The following UNC80 variants were observed in gnomAD, a reference collection of about 807,000 sequenced individuals.
UNC80 encodes protein unc-80 homolog.
A neutral mutation model predicts 384.6 loss-of-function variants in UNC80; 164 were observed. The ratio of observed to expected loss-of-function variants is 0.43; its 90% CI spans 0.38 to 0.49. UNC80 has a LOEUF of 0.49. Among genes scored for constraint, UNC80 ranks in the 20% least tolerant of loss-of-function variants. The pLI, the probability that UNC80 is intolerant of heterozygous loss-of-function variation, is 0.00. For missense variants in UNC80, 3,330 were observed against 4,143.0 expected, an observed-to-expected ratio of 0.80 and a Z score of 5.39; for synonymous variants, 1,486 against 1,527.8, an observed-to-expected ratio of 0.97 and a Z score of 0.64.
chr2:209,979,068 A>T (rs1309164464), intron 59 of UNC80, among the ~76,000 whole-genome samples: 1 of 152,006 alleles, frequency 6.6e-6, no homozygotes, highest in African/African-American at 2.4e-5. Flanking sequence ...GGCCAACATG[A>T]TGAAATCCCA....
At chr2:209,870,796 G>A (rs753493569) in intron 22 of UNC80, among the ~76,000 whole-genome samples, 1 of 152,182 alleles carries the variant, frequency 6.6e-6, no homozygotes, top group Non-Finnish European at 1.5e-5. Context: ...ACCCAAAAAT[G>A]TAAAGTAACC....
intron 22 of UNC80, among the ~76,000 whole-genome samples, chr2:209,864,937 C>T (rs1225089698): frequency 6.6e-6 from 1 of 152,196 alleles, no homozygotes; most frequent in African/African-American, 2.4e-5. Flanking sequence ...TAAGAGTCTG[C>T]GCATTCTGGG....
intron 1 of UNC80, among the ~76,000 whole-genome samples, chr2:209,772,412 T>A (rs1574378836): frequency 6.6e-6 from 1 of 151,872 alleles, no homozygotes; most frequent in Admixed American, 6.6e-5. Flanking sequence ...TATACATTAT[T>A]TTAGGGGGTG....
At chr2:209,956,299 G>T (rs997694371) in intron 48 of UNC80, among the ~76,000 whole-genome samples, 11 of 80 alleles carry the variant, frequency 0.14, no homozygotes, top group African/African-American at 0.29. Context: ...ACAAAAAGAA[G>T]ATAAGAATTC....
In UNC80 at chr2:209,888,076, C is replaced by T; in HGVS notation, c.4111-19C>T. On this transcript the variant is annotated intron_variant, in intron 25 of 64. Transcript: ENST00000673920. ...CTGGGGAGATGCCAGCACTCATGTG[C>T]TCCTCACTGGCATTTTAGGACTTGG... The T allele has an allele frequency of 3.2e-6, 5 of 1,551,486 alleles. No individual in the cohort carries two copies. Among genetic ancestry groups the T allele is most frequent in the Non-Finnish European group, 4.4e-6 (5 of 1,146,864 alleles).
intron 20 of UNC80, among the ~76,000 whole-genome samples, chr2:209,840,920 A>G (rs746879356): frequency 2.0e-5 from 3 of 152,196 alleles, no homozygotes; most frequent in African/African-American, 2.4e-5. Context: ...TTTCCCAGCT[A>G]TTTTTAACTT....
At chr2:209,971,287 C>G (rs189610718) in intron 54 of UNC80, among the ~76,000 whole-genome samples, 8 of 152,246 alleles carry the variant, frequency 5.3e-5, no homozygotes, top group African/African-American at 1.9e-4. Flanking sequence ...TATTCACAAT[C>G]TGGTTTTAAA....
chr2:209,873,073 G>A, intron 23 of UNC80, 103 bp downstream of exon 23: 2 of 1,090,204 alleles, frequency 1.8e-6, no homozygotes, highest in Non-Finnish European at 2.7e-6. Context: ...TTGAGTGTTT[G>A]TTATGTACCA....
At chr2:209,974,466 A>G (rs2092960022) in intron 56 of UNC80, among the ~76,000 whole-genome samples, 1 of 152,218 alleles carries the variant, frequency 6.6e-6, no homozygotes, top group African/African-American at 2.4e-5. Flanking sequence ...ATGAGAAGAC[A>G]CTTGATGAGT....
intron 7 of UNC80, among the ~76,000 whole-genome samples, chr2:209,800,560 G>T (rs1163897325): frequency 6.7e-6 from 1 of 148,970 alleles, no homozygotes; most frequent in Non-Finnish European, 1.5e-5. Context: ...ATCTTCTTCA[G>T]TTCTTCCCTG....
Position 209,935,722 on chromosome 2 carries a change from A to G in UNC80, c.6187A>G (p.Thr2063Ala). 1 of 1,521,674 alleles carries G rather than the reference A, an allele frequency of 6.6e-7. No individual in the cohort carries two copies. The allele number at this position is 1,521,674 out of a possible 1,614,324, so 94.3% of individuals were successfully genotyped here. The stretch of plus-strand genomic sequence containing the variant: ...ATTTTTATCATCTGTAGGTACTAAA[A>G]CCTTGGTAGTTCATGGACAGAATGA... Reference protein sequence around the residue: ...LVTASMPGTKTLVVHGQNECD... With the variant: ...LVTASMPGTKALVVHGQNECD... Residue 2063 changes from threonine to alanine, a missense_variant, in exon 40 of 65, where the codon ACC (threonine) becomes GCC (alanine). Coordinates refer to ENST00000673920, the MANE Select transcript of UNC80 (RefSeq NM_001371986.1).
Position 209,970,283 on chromosome 2 carries a change from T to A in UNC80, c.8130+392T>A, listed in dbSNP as rs142269590. The A allele has an allele frequency of 8.4e-4, 165 of 197,280 alleles. 2 individuals carry two copies. The highest frequency in any genetic ancestry group is 3.8e-3 in the African/African-American group (161 of 42,838). 12.2% of individuals were successfully genotyped at this position (197,280 alleles called of 1,614,324 possible). A position where few individuals can be genotyped will look rare whatever the true frequency, so the allele number is the denominator to read the frequency against. ...TTTCTCTTATGGTGCAAAATGACAC[T>A]ATGAGTTGGCCAGTCTAGGATTTAT... On this transcript the variant is annotated intron_variant, in intron 53 of 64. Coordinates refer to ENST00000673920, the MANE Select transcript of UNC80 (RefSeq NM_001371986.1).
At position 209,976,766 on chromosome 2, in the gene UNC80, A is replaced by T; in HGVS notation, c.8773-147A>T. On this transcript the variant is annotated intron_variant, in intron 57 of 64. Transcript: ENST00000673920. This position sits in a 1 kb window ranked among gnomAD's most constrained non-coding sequence, Gnocchi z 4.3. ...GGCAGTGATTTAAAACGATGTAATT[A>T]TTAAGCACTTCCTGTGTAAAGTGCC... is the stretch of plus-strand genomic sequence containing the variant. 2.2e-6 allele frequency: 2 copies of T among 894,968 alleles called. No individual in the cohort carries two copies. The highest frequency in any genetic ancestry group is 3.3e-6 in the Non-Finnish European group (2 of 613,242). The allele number at this position is 894,968 out of a possible 1,614,324, so 55.4% of individuals were successfully genotyped here. A position where few individuals can be genotyped will look rare whatever the true frequency, so the allele number is the denominator to read the frequency against.
At chr2:209,896,459 C>T (rs2086804539) in intron 28 of UNC80, 46 bp downstream of exon 28, 1 of 1,455,874 alleles carries the variant, frequency 6.9e-7, no homozygotes, top group African/African-American at 1.4e-5. Context: ...TTTCTTTTGG[C>T]ACTGGGGAAG....
At chr2:209,931,704 G>A (rs2090889312) in intron 38 of UNC80, among the ~76,000 whole-genome samples, 1 of 152,138 alleles carries the variant, frequency 6.6e-6, no homozygotes, top group South Asian at 2.1e-4. Context: ...CTAGCAGGGT[G>A]ATAAATTTAA....
chr2:209,829,035 A>G (rs1162256351), intron 14 of UNC80, among the ~76,000 whole-genome samples, 197 bp from the exon 15 acceptor site: 3 of 152,120 alleles, frequency 2.0e-5, no homozygotes, highest in East Asian at 1.9e-4. Flanking sequence ...GTTGTTCTCA[A>G]TGTAAACACC....
chr2:209,882,114 G>A (rs536036539), intron 25 of UNC80, among the ~76,000 whole-genome samples: 2 of 151,856 alleles, frequency 1.3e-5, no homozygotes, highest in African/African-American at 4.8e-5. Flanking sequence ...CTACAGGCGC[G>A]TGCCACCATG....
intron 25 of UNC80, among the ~76,000 whole-genome samples, chr2:209,887,542 T>A (rs2085937146): frequency 6.6e-6 from 1 of 152,212 alleles, no homozygotes; most frequent in African/African-American, 2.4e-5. Flanking sequence ...TAAGGCAACA[T>A]ATTCACAGGT....
In UNC80 at chr2:209,933,856, G is replaced by A. The variant is rs974676550; in HGVS notation, c.6029G>A (p.Cys2010Tyr). Residue 2010 changes from cysteine to tyrosine, a missense_variant, in exon 39 of 65, where the codon TGC becomes TAC. By Grantham distance (194) the Cys-to-Tyr change is radical. Transcript: ENST00000673920. ...GLIMYFVRTPCEWGMDAISAT... is the reference protein window; with the variant it reads ...GLIMYFVRTPYEWGMDAISAT... ...ATCATGTACTTTGTGCGGACCCCCT[G>A]CGAGTGGGGGATGGATGCCATTTCA... 2 of 1,551,178 alleles carry A rather than the reference G, an allele frequency of 1.3e-6. No individual in the cohort carries two copies. The highest frequency in any genetic ancestry group is 8.7e-7 in the Non-Finnish European group (1 of 1,146,800).
Sources: gnomAD v4.1 joint callset for allele counts (sites outside exome capture counted in the v4.1 genomes callset) on GRCh38, gnomAD v4.1.1 for gene constraint, Gnocchi (gnomAD v3.1) non-coding constraint, MANE v1.5 for transcripts, NCBI Gene and HGNC (gene_info 2026-07-23, HGNC 2026-07-21) for gene names.